Variants in HORMAD2 observed in about 807,000 individuals in gnomAD.
HORMAD2 encodes HORMA domain containing 2.
Under a neutral mutation model 38.8 loss-of-function variants are expected in HORMAD2, and 45 were observed. The ratio of observed to expected loss-of-function variants is 1.16; its 90% CI spans 0.91 to 1.49. HORMAD2 has a LOEUF of 1.49. HORMAD2 is among the 40% of genes most tolerant of loss of function. The probability of loss-of-function intolerance (pLI) is 0.00; values close to 1 mark genes in which losing one functional copy is unlikely to be tolerated. For synonymous variants in HORMAD2, 126 were observed against 122.8 expected, an observed-to-expected ratio of 1.03 and a Z score of -0.17; for missense variants, 338 against 367.0, an observed-to-expected ratio of 0.92 and a Z score of 0.65.
At position 30,082,450 on chromosome 22, in the gene HORMAD2, C is replaced by T. The variant is rs564014202; in HGVS notation, c.-38+1959C>T. On this transcript the variant is annotated intron_variant, in intron 1 of 10. Coordinates refer to ENST00000336726, the MANE Select transcript of HORMAD2 (RefSeq NM_152510.4). ...AATCTTTATGTGAATCTTGGACTCA[C>T]ACATAGTAGGGGTAAAATAGGAAGT... Among the ~76,000 whole-genome samples the T allele has an allele frequency of 4.1e-4, 63 of 152,206 alleles. No homozygotes were observed. In the South Asian group the frequency reaches 0.013, roughly 31 times the overall value.
the HORMAD2 span, among the ~76,000 whole-genome samples, chr22:30,204,005 A>C: frequency 6.6e-6 from 1 of 152,098 alleles, no homozygotes; most frequent in Non-Finnish European, 1.5e-5. Context: ...GTGCATCCTC[A>C]CATACATCCT....
At chr22:30,169,006 C>G (rs1487222443) in intron 10 of HORMAD2, among the ~76,000 whole-genome samples, 1 of 152,144 alleles carries the variant, frequency 6.6e-6, no homozygotes, top group Admixed American at 6.5e-5. Context: ...TGAGCTATAC[C>G]CAATTCCCCA....
rs2068688803 is a variant in HORMAD2, at chr22:30,091,604, G to A, written c.-37-2312G>A. 3.9e-5 allele frequency among the ~76,000 whole-genome samples: 6 copies of A among 152,156 alleles called. No individual in the cohort carries two copies. The South Asian group carries it at 1.2e-3, about 32-fold the overall frequency. On this transcript the variant is annotated intron_variant, in intron 1 of 10. Transcript: ENST00000336726. ...GCATTCATCTGTTGATGGACACTTA[G>A]GTTGATTCCATATCTTGGCTATTGT... is the stretch of plus-strand genomic sequence containing the variant.
At chr22:30,147,566 C>T (rs947916820) in intron 10 of HORMAD2, among the ~76,000 whole-genome samples, 9 of 151,826 alleles carry the variant, frequency 5.9e-5, no homozygotes, top group African/African-American at 2.2e-4. Context: ...TTAGGCGGTT[C>T]CCTAAAAGTA....
chr22:30,203,182 G>A, the HORMAD2 span, among the ~76,000 whole-genome samples: 12 of 152,162 alleles, frequency 7.9e-5, no homozygotes, highest in African/African-American at 2.7e-4. Context: ...ATCATTTGAG[G>A]TCAGGAGTTT....
chr22:30,157,019 C>G (rs1925120788), intron 10 of HORMAD2, among the ~76,000 whole-genome samples: 1 of 152,100 alleles, frequency 6.6e-6, no homozygotes, highest in Admixed American at 6.5e-5. Flanking sequence ...TTGTTTAATT[C>G]TAAGCCAAAA....
At chr22:30,152,473 T>G (rs182682724) in intron 10 of HORMAD2, among the ~76,000 whole-genome samples, 4 of 152,186 alleles carry the variant, frequency 2.6e-5, no homozygotes, top group African/African-American at 9.6e-5. Context: ...ACTACATTTG[T>G]GTACCACCAC....
intron 1 of HORMAD2, among the ~76,000 whole-genome samples, chr22:30,092,381 A>C (rs1601505685): frequency 1.7e-5 from 2 of 116,132 alleles, no homozygotes; most frequent in African/African-American, 6.8e-5. Context: ...AGTTGCTTGC[A>C]CTTCTTGTAT....
intron 1 of HORMAD2, among the ~76,000 whole-genome samples, chr22:30,085,299 T>C (rs769750016): frequency 2.6e-5 from 4 of 152,222 alleles, no homozygotes; most frequent in Non-Finnish European, 4.4e-5. Context: ...GAGTGACTGC[T>C]AATAGGCATG....
At chr22:30,203,160 C>T in the HORMAD2 span, among the ~76,000 whole-genome samples, 6 of 152,218 alleles carry the variant, frequency 3.9e-5, no homozygotes, top group Non-Finnish European at 7.4e-5. Context: ...TTTGGGAGGC[C>T]GAGGCGGGTG....
chr22:30,079,836 C>A (rs1362633450), upstream of HORMAD2, among the ~76,000 whole-genome samples: 5 of 152,164 alleles, frequency 3.3e-5, no homozygotes, highest in Non-Finnish European at 7.3e-5. Context: ...CGCGCCACCA[C>A]GCCCAGCTAA....
chr22:30,096,125 T>C (rs922885419), intron 2 of HORMAD2, among the ~76,000 whole-genome samples: 24 of 152,214 alleles, frequency 1.6e-4, no homozygotes, highest in Non-Finnish European at 2.5e-4. Context: ...AGATCATTCA[T>C]TCTCATTGCT....
intron 8 of HORMAD2, among the ~76,000 whole-genome samples, chr22:30,119,353 C>T (rs969757376): frequency 2.0e-5 from 3 of 152,206 alleles, no homozygotes; most frequent in African/African-American, 4.8e-5. Flanking sequence ...AGTTTCTCAA[C>T]TGCTATGCCT....
intron 2 of HORMAD2, among the ~76,000 whole-genome samples, chr22:30,096,789 A>T (rs79627455): frequency 0.08 from 12,139 of 151,914 alleles, 563 homozygotes; most frequent in Middle Eastern, 0.13. Context: ...TTTAATGCTC[A>T]CTTCCCTGAT....
At chr22:30,193,736 G>T in the HORMAD2 span, among the ~76,000 whole-genome samples, 1 of 152,214 alleles carries the variant, frequency 6.6e-6, no homozygotes, top group Non-Finnish European at 1.5e-5. Context: ...CTTCCATAGC[G>T]ATAGGGCTTC....
chr22:30,153,324 G>T (rs1464530590), intron 10 of HORMAD2, among the ~76,000 whole-genome samples: 2 of 151,884 alleles, frequency 1.3e-5, no homozygotes, highest in Admixed American at 1.3e-4. Flanking sequence ...ATTTAAATAT[G>T]ACTTTTATTC....
In HORMAD2 at chr22:30,119,055, C is replaced by A. The variant is rs1436880795; in HGVS notation, c.410+8C>A. 6.4e-7 allele frequency: 1 copy of A among 1,551,976 alleles called. No homozygotes were observed. The highest frequency in any genetic ancestry group is 8.8e-7 in the Non-Finnish European group (1 of 1,139,040). On this transcript the variant is annotated splice_region_variant and intron_variant, in intron 8 of 10. Transcript: ENST00000336726. Reference sequence around the variant, plus strand: ...CACTATGGATTTTGACAGGTAGAATCTAACTGCTTAATGAACATGAGAAAT... The same window carrying A: ...CACTATGGATTTTGACAGGTAGAATATAACTGCTTAATGAACATGAGAAAT...
chr22:30,078,338 G>A (rs2068409368), upstream of HORMAD2, among the ~76,000 whole-genome samples: 1 of 152,070 alleles, frequency 6.6e-6, no homozygotes, highest in Admixed American at 6.5e-5. Flanking sequence ...GGGCTTGGGG[G>A]CTCAAGCCTG....
chr22:30,141,995 A>T (rs927026264), intron 10 of HORMAD2, among the ~76,000 whole-genome samples: 1 of 152,150 alleles, frequency 6.6e-6, no homozygotes, highest in Non-Finnish European at 1.5e-5. Context: ...CTTACCTGTA[A>T]TCCTAGCACT....
Sources: allele counts gnomAD v4.1 joint callset (sites outside exome capture counted in the v4.1 genomes callset), GRCh38; gene constraint gnomAD v4.1.1; transcripts MANE v1.5; gene names NCBI Gene and HGNC (gene_info 2026-07-23, HGNC 2026-07-21).